Variants in TENM3 observed in about 807,000 individuals in gnomAD.
TENM3 encodes teneurin transmembrane protein 3.
Under a neutral mutation model 255.1 loss-of-function variants are expected in TENM3, and 63 were observed. That is an observed-to-expected ratio of 0.25 (90% CI 0.20 to 0.30). TENM3 has a LOEUF of 0.30. TENM3 is among the 10% of genes least tolerant of loss of function. The pLI, the probability that TENM3 is intolerant of heterozygous loss-of-function variation, is 1.00. For synonymous variants in TENM3, 1,306 were observed against 1,322.3 expected, an observed-to-expected ratio of 0.99 and a Z score of 0.27; for missense variants, 2,929 against 3,461.1, an observed-to-expected ratio of 0.85 and a Z score of 3.86.
chr4:181,567,580 C>A, the TENM3 span, among the ~76,000 whole-genome samples: 1 of 152,148 alleles, frequency 6.6e-6, no homozygotes, highest in Non-Finnish European at 1.5e-5. Context: ...AAAATTCTGA[C>A]CTTAGGGCTA....
At chr4:182,059,740 C>A in the TENM3 span, among the ~76,000 whole-genome samples, 1 of 105,070 alleles carries the variant, frequency 9.5e-6, no homozygotes, top group Non-Finnish European at 1.8e-5. Context: ...GAGACTCTGT[C>A]TCTACAAAAA....
chr4:182,646,945 G>A (rs1283173200), intron 5 of TENM3, among the ~76,000 whole-genome samples: 4 of 152,112 alleles, frequency 2.6e-5, no homozygotes, highest in Admixed American at 6.6e-5. Context: ...AAATTTGAAA[G>A]ATATCAGAAT....
the TENM3 span, among the ~76,000 whole-genome samples, chr4:181,931,337 AT>A: frequency 6.6e-6 from 1 of 152,134 alleles, no homozygotes; most frequent in African/African-American, 2.4e-5. Context: ...CAAAATCAAT[AT>A]GCAAAAATCA....
chr4:181,469,391 A>C, the TENM3 span, among the ~76,000 whole-genome samples: 106,763 of 152,050 alleles, frequency 0.7, 37,833 homozygotes, highest in Non-Finnish European at 0.74. Flanking sequence ...GCAATTAAGA[A>C]ACAATGTTTT....
At chr4:181,534,017 T>C in the TENM3 span, among the ~76,000 whole-genome samples, 1 of 152,332 alleles carries the variant, frequency 6.6e-6, no homozygotes, top group African/African-American at 2.4e-5. Flanking sequence ...ATTCTGAGAT[T>C]CACACAAAGA....
At chr4:181,845,807 C>T in the TENM3 span, among the ~76,000 whole-genome samples, 1 of 152,290 alleles carries the variant, frequency 6.6e-6, no homozygotes, top group African/African-American at 2.4e-5. Context: ...ACATATTAGT[C>T]ATTACTACAG....
At chr4:182,661,192 ATTTTTTTT>A (rs35208231) in intron 6 of TENM3, among the ~76,000 whole-genome samples, 8 of 88,596 alleles carry the variant, frequency 9.0e-5, no homozygotes, top group African/African-American at 1.9e-4. Context: ...TTAAATTTTA[ATTTTTTTT>A]TTTTTTTTTT....
At chr4:182,728,893 A>G in intron 13 of TENM3, 72 bp from the exon 14 acceptor site, 2 of 1,259,532 alleles carry the variant, frequency 1.6e-6, no homozygotes, top group Non-Finnish European at 2.2e-6. Context: ...AAAACAGTCA[A>G]GAAACAAAAC....
At chr4:182,784,729 C>G (rs201515903) in intron 24 of TENM3, among the ~76,000 whole-genome samples, 16,584 of 148,324 alleles carry the variant, frequency 0.11, 1,290 homozygotes, top group East Asian at 0.23. Flanking sequence ...AGGACCCTCC[C>G]AGCCAGGTGC....
chr4:182,029,934 CAT>C, the TENM3 span, among the ~76,000 whole-genome samples: 11 of 142,012 alleles, frequency 7.7e-5, 1 homozygote, highest in African/African-American at 2.7e-4. Context: ...AGAGAGTTAA[CAT>C]GTTTCACATA....
intron 1 of TENM3, among the ~76,000 whole-genome samples, chr4:182,194,940 G>A (rs1403949439): frequency 2.0e-5 from 3 of 151,248 alleles, no homozygotes; most frequent in Non-Finnish European, 2.9e-5. Context: ...TTTTACCATG[G>A]AAGTATTCAG....
chr4:182,245,164 G>C (rs1757558740), intron 1 of TENM3, among the ~76,000 whole-genome samples: 1 of 152,166 alleles, frequency 6.6e-6, no homozygotes, highest in African/African-American at 2.4e-5. Context: ...TTTTTGCCCA[G>C]GATGGGATCA....
At chr4:182,581,416 T>G (rs577147671) in intron 3 of TENM3, among the ~76,000 whole-genome samples, 3 of 152,292 alleles carry the variant, frequency 2.0e-5, no homozygotes, top group Non-Finnish European at 4.4e-5. Flanking sequence ...CTGTTTAATT[T>G]AATAACTCTA....
At chr4:181,706,714 G>T in the TENM3 span, among the ~76,000 whole-genome samples, 1 of 151,890 alleles carries the variant, frequency 6.6e-6, no homozygotes, top group African/African-American at 2.4e-5. Context: ...GTGAGAAACA[G>T]GGAGTGTCTC....
chr4:182,667,914 G>C (rs184469724), intron 6 of TENM3, among the ~76,000 whole-genome samples: 1 of 151,770 alleles, frequency 6.6e-6, no homozygotes, highest in East Asian at 1.9e-4. Flanking sequence ...AAACCTGCAC[G>C]TTTTGCACGT....
the TENM3 span, among the ~76,000 whole-genome samples, chr4:182,106,798 C>T: frequency 3.3e-5 from 5 of 152,068 alleles, no homozygotes; most frequent in African/African-American, 4.8e-5. Context: ...GTATTAGCAT[C>T]AGTATCAGCT....
the TENM3 span, among the ~76,000 whole-genome samples, chr4:181,953,483 G>A: frequency 6.6e-6 from 1 of 152,140 alleles, no homozygotes; most frequent in Non-Finnish European, 1.5e-5. Context: ...CTACATCGAT[G>A]GATACAGCAA....
the TENM3 span, among the ~76,000 whole-genome samples, chr4:181,638,110 C>G: frequency 1.3e-5 from 2 of 152,262 alleles, no homozygotes; most frequent in East Asian, 3.9e-4. Context: ...AGTTTTATTA[C>G]TATGTAACTT....
At chr4:182,110,170 C>T in the TENM3 span, among the ~76,000 whole-genome samples, 1 of 151,424 alleles carries the variant, frequency 6.6e-6, no homozygotes, top group African/African-American at 2.4e-5. Context: ...AATAAAAGGT[C>T]GTGGGACACA....
Sources: gnomAD v4.1 joint callset for allele counts (sites outside exome capture counted in the v4.1 genomes callset) on GRCh38, gnomAD v4.1.1 for gene constraint, MANE v1.5 for transcripts, NCBI Gene and HGNC (gene_info 2026-07-23, HGNC 2026-07-21) for gene names.